The following SIK3 variants were observed in gnomAD, a reference collection of about 807,000 sequenced individuals.
SIK3 encodes SIK family kinase 3, also known as serine/threonine-protein kinase SIK3.
Under a neutral mutation model 144.2 loss-of-function variants are expected in SIK3, and 28 were observed. The observed-to-expected ratio is 0.19, with a 90% CI of 0.14 to 0.27. The LOEUF (loss-of-function observed/expected upper bound fraction) is 0.27, where lower values mean the gene tolerates loss of function less well. Ranked by LOEUF, SIK3 falls within the 10% of genes least tolerant of loss-of-function variation. The pLI, the probability that SIK3 is intolerant of heterozygous loss-of-function variation, is 1.00. For missense variants in SIK3, 1,319 were observed against 1,776.0 expected (o/e 0.74, Z 4.62); for synonymous variants, 686 against 676.3 (o/e 1.01, Z -0.22).
intron 19 of SIK3, among the ~76,000 whole-genome samples, chr11:116,859,925 C>T (rs1943219131): frequency 6.6e-6 from 1 of 152,146 alleles, no homozygotes; most frequent in Admixed American, 6.6e-5. Flanking sequence ...CTTTCACATG[C>T]ACACAAATGG....
chr11:116,949,078 C>T (rs897152247), intron 3 of SIK3, among the ~76,000 whole-genome samples: 1 of 151,932 alleles, frequency 6.6e-6, no homozygotes, highest in Non-Finnish European at 1.5e-5. Context: ...ATACGGCATA[C>T]TAAAACTCAT....
chr11:116,912,673 A>G (rs1455171769), intron 4 of SIK3, among the ~76,000 whole-genome samples: 1 of 152,184 alleles, frequency 6.6e-6, no homozygotes, highest in Non-Finnish European at 1.5e-5. Flanking sequence ...AAGTGGGAAG[A>G]TATTTACTTA....
chr11:116,939,603 A>G (rs940333926), intron 3 of SIK3, among the ~76,000 whole-genome samples: 1 of 152,224 alleles, frequency 6.6e-6, no homozygotes, highest in Non-Finnish European at 1.5e-5. Flanking sequence ...AAAATCAGAT[A>G]TTATACAACT....
intron 16 of SIK3, among the ~76,000 whole-genome samples, chr11:116,862,929 G>C (rs370939169): frequency 1.3e-5 from 2 of 152,198 alleles, no homozygotes; most frequent in East Asian, 3.9e-4. Context: ...ACAAAAATTA[G>C]CTGGCATGGT....
chr11:117,089,401 C>A (rs1336315037), intron 1 of SIK3, among the ~76,000 whole-genome samples: 1 of 139,658 alleles, frequency 7.2e-6, no homozygotes, highest in Non-Finnish European at 1.5e-5. Context: ...AGTGAGACTC[C>A]GTCTCAAAAA....
Position 116,848,158 on chromosome 11 carries a change from C to T in SIK3, c.3820-550G>A, listed in dbSNP as rs542293119. On this transcript the variant is annotated intron_variant, in intron 22 of 24. Transcript: ENST00000445177. ...TGAAACCCCGTCTCTACTAAAAATA[C>T]GAAAAATTAGCTGGGCTAAAAAAAT... is the stretch of plus-strand genomic sequence containing the variant. Among the ~76,000 whole-genome samples, 9 of 151,564 alleles carry T rather than the reference C, an allele frequency of 5.9e-5. No individual in the cohort carries two copies. In the East Asian group the frequency reaches 9.6e-4, roughly 16 times the overall value.
chr11:117,034,533 A>C (rs573322535), intron 1 of SIK3, among the ~76,000 whole-genome samples: 9 of 152,332 alleles, frequency 5.9e-5, no homozygotes, highest in African/African-American at 1.9e-4. Context: ...GCCAAAACAT[A>C]ATGAGATCAG....
At chr11:116,888,224 T>TA (rs1944930260) in intron 6 of SIK3, among the ~76,000 whole-genome samples, 1 of 152,190 alleles carries the variant, frequency 6.6e-6, no homozygotes, top group South Asian at 2.1e-4. Flanking sequence ...GAAAAACAGA[T>TA]AAACTCAGCT....
intron 3 of SIK3, among the ~76,000 whole-genome samples, chr11:116,934,657 T>C (rs1947806060): frequency 6.6e-6 from 1 of 152,236 alleles, no homozygotes; most frequent in Non-Finnish European, 1.5e-5. Context: ...AAAATAGTAC[T>C]CTGCCTATGA....
intron 4 of SIK3, among the ~76,000 whole-genome samples, chr11:116,927,018 C>T (rs2921654): frequency 0.14 from 15,528 of 113,716 alleles, 2,068 homozygotes; most frequent in African/African-American, 0.38. Context: ...GACTCAGTCT[C>T]GAAAAAAAAA....
rs71037444 is a variant in SIK3, at chr11:117,021,928, C to CAAAAAA, written c.274-64870_274-64865dup. ...ATAGCACAGTGAGCCTCTGTCTCTA[C>CAAAAAA]AAAAAAAAAAAAAAAAAAAAAAAAA... On this transcript the variant is annotated intron_variant, in intron 1 of 24. Transcript: ENST00000445177. 2.4e-3 allele frequency among the ~76,000 whole-genome samples: 143 copies of CAAAAAA among 58,946 alleles called. 10 individuals are homozygous for CAAAAAA. The highest frequency in any genetic ancestry group is 0.01 in the Middle Eastern group (1 of 98). 38.7% of individuals were successfully genotyped at this position (58,946 alleles called of 152,430 possible).
At chr11:116,980,886 A>G (rs753394273) in intron 1 of SIK3, among the ~76,000 whole-genome samples, 7 of 152,062 alleles carry the variant, frequency 4.6e-5, no homozygotes, top group Non-Finnish European at 1.0e-4. Flanking sequence ...AAAAATTACA[A>G]TCAGATCATC....
chr11:116,903,367 T>A (rs1945839169), intron 4 of SIK3, among the ~76,000 whole-genome samples: 1 of 152,100 alleles, frequency 6.6e-6, no homozygotes, highest in African/African-American at 2.4e-5. Context: ...GGGTGTGTGG[T>A]AGGAAATGGA....
intron 3 of SIK3, among the ~76,000 whole-genome samples, chr11:116,932,193 C>T (rs1266162538): frequency 3.9e-5 from 6 of 152,190 alleles, no homozygotes; most frequent in Admixed American, 3.9e-4. Context: ...CAGCAACTAC[C>T]TCACTCCTAG....
At chr11:117,071,515 GTGCC>G (rs1164341329) in intron 1 of SIK3, among the ~76,000 whole-genome samples, 3 of 152,012 alleles carry the variant, frequency 2.0e-5, no homozygotes, top group Non-Finnish European at 4.4e-5. Context: ...GTCTGGCACA[GTGCC>G]TAGAACACAG....
At chr11:116,898,258 AATG>A (rs2134788286) in intron 4 of SIK3, among the ~76,000 whole-genome samples, 1 of 152,214 alleles carries the variant, frequency 6.6e-6, no homozygotes, top group African/African-American at 2.4e-5. Context: ...GTTTACTGAG[AATG>A]ATGATTTCCA....
chr11:116,925,618 GTAA>G (rs1172731432), intron 4 of SIK3, among the ~76,000 whole-genome samples: 4 of 152,180 alleles, frequency 2.6e-5, no homozygotes, highest in African/African-American at 7.2e-5. Flanking sequence ...ATTTGTTATA[GTAA>G]TAATAAGACA....
intron 4 of SIK3, among the ~76,000 whole-genome samples, chr11:116,922,895 CTTTT>C (rs1947065622): frequency 7.0e-6 from 1 of 143,812 alleles, no homozygotes; most frequent in South Asian, 2.2e-4. Flanking sequence ...CTAATTTCTC[CTTTT>C]CTTTTCTCTT....
At chr11:117,056,189 T>C (rs916821099) in intron 1 of SIK3, among the ~76,000 whole-genome samples, 2 of 152,106 alleles carry the variant, frequency 1.3e-5, no homozygotes, top group East Asian at 1.9e-4. Flanking sequence ...GGAATACTAT[T>C]TAGCCATAAA....
Sources: allele counts gnomAD v4.1 joint callset (sites outside exome capture counted in the v4.1 genomes callset), GRCh38; gene constraint gnomAD v4.1.1; transcripts MANE v1.5; gene names NCBI Gene and HGNC (gene_info 2026-07-23, HGNC 2026-07-21).